The following SNCAIP variants were observed in gnomAD, a reference collection of about 807,000 sequenced individuals.
The protein encoded by SNCAIP is synphilin-1.
SNCAIP carries 43 observed loss-of-function variants against 86.7 expected under a neutral mutation model. That is an observed-to-expected ratio of 0.50 (90% confidence interval 0.39 to 0.64). The LOEUF is 0.64. SNCAIP is among the 30% of genes least tolerant of loss of function. SNCAIP has a pLI of 0.00. For missense variants in SNCAIP, 981 were observed against 1,103.1 expected (o/e 0.89, Z 1.57); for synonymous variants, 417 against 427.2 (o/e 0.98, Z 0.29).
intron 1 of SNCAIP, among the ~76,000 whole-genome samples, chr5:122,344,293 A>G (rs1165247708): frequency 6.6e-6 from 1 of 152,224 alleles, no homozygotes; most frequent in Non-Finnish European, 1.5e-5. Flanking sequence ...CTGTAAAAAG[A>G]TAGATTGAGG....
intron 4 of SNCAIP, 150 bp from the exon 5 acceptor site, chr5:122,425,202 T>C (rs1379505019): frequency 1.4e-6 from 1 of 730,276 alleles, no homozygotes; most frequent in African/African-American, 1.8e-5. Flanking sequence ...TAACAAAGAA[T>C]AATAGCAAGA....
chr5:122,406,825 AT>A (rs946279916), intron 3 of SNCAIP, among the ~76,000 whole-genome samples: 27 of 152,142 alleles, frequency 1.8e-4, no homozygotes, highest in African/African-American at 5.8e-4. Context: ...AAATTACCCA[AT>A]CTCGGGTATT....
chr5:122,323,415 T>C (rs777275346), intron 1 of SNCAIP: 1 of 152,208 alleles, frequency 6.6e-6, no homozygotes, highest in African/African-American at 2.4e-5. Context: ...AGTTACAGAT[T>C]GATTTGGTGA....
intron 3 of SNCAIP, among the ~76,000 whole-genome samples, chr5:122,406,702 C>T (rs1424705860): frequency 6.6e-6 from 1 of 152,130 alleles, no homozygotes; most frequent in Non-Finnish European, 1.5e-5. Flanking sequence ...CCTCATTCCC[C>T]CTTTGCCGTC....
intron 1 of SNCAIP, among the ~76,000 whole-genome samples, chr5:122,331,719 C>G (rs374314003): frequency 6.6e-6 from 1 of 152,194 alleles, no homozygotes; most frequent in Non-Finnish European, 1.5e-5. Flanking sequence ...CCAGACTCAG[C>G]ACATTTAATG....
chr5:122,391,286 T>A, intron 2 of SNCAIP, 95 bp downstream of exon 2: 1 of 912,918 alleles, frequency 1.1e-6, no homozygotes, highest in East Asian at 2.4e-5. Context: ...TCCTCAACTT[T>A]TCTGACTACA....
chr5:122,372,425 G>A (rs930485010), intron 1 of SNCAIP, among the ~76,000 whole-genome samples: 3 of 152,096 alleles, frequency 2.0e-5, no homozygotes, highest in African/African-American at 7.2e-5. Flanking sequence ...TACACCACTG[G>A]GCCAGGCTAA....
chr5:122,463,734 C>A lies in SNCAIP; in HGVS notation c.*238C>A. Reference sequence around the variant, plus strand: ...TTATAGTAGTAGACTGTAAAAGATTCATTTTGGGGTGATATCTGTATATAT... The same window carrying A: ...TTATAGTAGTAGACTGTAAAAGATTAATTTTGGGGTGATATCTGTATATAT... On this transcript the variant is annotated 3_prime_UTR_variant, in exon 11 of 11. Transcript: ENST00000261368. 1 of 506,622 alleles carries A rather than the reference C, an allele frequency of 2.0e-6. No homozygotes were observed. Among genetic ancestry groups the A allele is most frequent in the South Asian group, 3.6e-5 (1 of 28,000 alleles). The allele number at this position is 506,622 out of a possible 1,614,324, so 31.4% of individuals were successfully genotyped here.
At chr5:122,373,691 A>C (rs1425469503) in intron 1 of SNCAIP, among the ~76,000 whole-genome samples, 1 of 152,184 alleles carries the variant, frequency 6.6e-6, no homozygotes, top group Non-Finnish European at 1.5e-5. Context: ...TTGGTGGTGA[A>C]TGTTATGAAA....
At chr5:122,313,483 C>T (rs988835462) in intron 1 of SNCAIP, among the ~76,000 whole-genome samples, 6 of 152,218 alleles carry the variant, frequency 3.9e-5, no homozygotes, top group Non-Finnish European at 7.3e-5. Flanking sequence ...GCACTACTTT[C>T]GTTGCTGAAT....
chr5:122,356,406 A>G (rs1319065418), intron 1 of SNCAIP, among the ~76,000 whole-genome samples: 2 of 152,140 alleles, frequency 1.3e-5, no homozygotes, highest in Admixed American at 6.6e-5. Flanking sequence ...CATGAGCCCC[A>G]TACCTGGTCA....
In SNCAIP at chr5:122,317,493, G is replaced by A. The variant is rs560941194; in HGVS notation, c.-47+5209G>A. Among the ~76,000 whole-genome samples the A allele has an allele frequency of 2.6e-5, 4 of 152,238 alleles. No individual in the cohort carries two copies. The East Asian group carries it at 5.8e-4, about 22-fold the overall frequency. The stretch of plus-strand genomic sequence containing the variant: ...TATGCTTGAACCAGACCCTATGGCC[G>A]GAGATTTGGACCATGCCACTTGACT... On this transcript the variant is annotated intron_variant, in intron 1 of 10. Transcript: ENST00000261368.
intron 3 of SNCAIP, among the ~76,000 whole-genome samples, chr5:122,415,955 A>T (rs918297055): frequency 1.3e-5 from 2 of 152,240 alleles, no homozygotes; most frequent in Non-Finnish European, 2.9e-5. Flanking sequence ...TTTATAGATG[A>T]CACAATAATG....
intron 6 of SNCAIP, among the ~76,000 whole-genome samples, chr5:122,435,694 G>A (rs1018284090): frequency 6.6e-6 from 1 of 152,040 alleles, no homozygotes; most frequent in Non-Finnish European, 1.5e-5. Flanking sequence ...AAAAGAAAAG[G>A]CTCAGCAATT....
intron 1 of SNCAIP, among the ~76,000 whole-genome samples, chr5:122,365,093 T>G (rs1762901009): frequency 2.0e-5 from 3 of 152,156 alleles, no homozygotes; most frequent in African/African-American, 7.2e-5. Flanking sequence ...CTGTCTACTT[T>G]GTTGCCCCCA....
intron 1 of SNCAIP, among the ~76,000 whole-genome samples, chr5:122,359,610 C>T (rs1761818156): frequency 6.6e-6 from 1 of 151,900 alleles, no homozygotes. Flanking sequence ...CACAATCTGC[C>T]CACCTCGGAC....
chr5:122,328,669 G>A (rs933946637), intron 1 of SNCAIP, among the ~76,000 whole-genome samples: 4 of 152,122 alleles, frequency 2.6e-5, no homozygotes, highest in Non-Finnish European at 4.4e-5. Flanking sequence ...TTCTTGCTCC[G>A]TTAACACATT....
intron 1 of SNCAIP, among the ~76,000 whole-genome samples, chr5:122,379,897 A>G (rs920459387): frequency 2.0e-5 from 3 of 152,098 alleles, no homozygotes; most frequent in African/African-American, 4.8e-5. Flanking sequence ...AGCCCACTTG[A>G]TCATCGTGGA....
At chr5:122,341,006 A>G (rs1452453754) in intron 1 of SNCAIP, among the ~76,000 whole-genome samples, 1 of 152,182 alleles carries the variant, frequency 6.6e-6, no homozygotes, top group Admixed American at 6.5e-5. Flanking sequence ...ACTAAGAGGG[A>G]AGGAAAATGT....
Sources: allele counts gnomAD v4.1 joint callset (sites outside exome capture counted in the v4.1 genomes callset), GRCh38; gene constraint gnomAD v4.1.1; transcripts MANE v1.5; gene names NCBI Gene and HGNC (gene_info 2026-07-23, HGNC 2026-07-21).